The following DYNC2H1 variants were observed in gnomAD, a reference collection of about 807,000 sequenced individuals.
DYNC2H1 encodes the protein dynein cytoplasmic 2 heavy chain 1.
A neutral mutation model predicts 570.0 loss-of-function variants in DYNC2H1; 410 were observed. That is an observed-to-expected ratio of 0.72 (90% CI 0.66 to 0.78). The LOEUF is 0.78. DYNC2H1 is among the 30% of genes least tolerant of loss of function. The pLI is 0.00. For synonymous variants in DYNC2H1, 1,688 were observed against 1,677.6 expected (o/e 1.01, Z -0.15); for missense variants, 4,865 against 5,046.4 (o/e 0.96, Z 1.09).
intron 82 of DYNC2H1, among the ~76,000 whole-genome samples, chr11:103,357,293 G>A (rs1369050573): frequency 6.6e-6 from 1 of 152,034 alleles, no homozygotes; most frequent in Non-Finnish European, 1.5e-5. Flanking sequence ...CTGATAATAA[G>A]GACATTATAG....
chr11:103,121,554 A>G, intron 10 of DYNC2H1, 58 bp downstream of exon 10: 4 of 1,556,158 alleles, frequency 2.6e-6, no homozygotes, highest in East Asian at 2.3e-5. Context: ...AAATTAAGGC[A>G]TGTAGAAGGT....
chr11:103,413,162 T>C (rs1943150408), intron 84 of DYNC2H1, among the ~76,000 whole-genome samples: 2 of 152,232 alleles, frequency 1.3e-5, no homozygotes, highest in Admixed American at 1.3e-4. Flanking sequence ...CCTTTCCATC[T>C]ATCTCCACTA....
At chr11:103,470,339 A>G (rs1945332054) in intron 88 of DYNC2H1, among the ~76,000 whole-genome samples, 1 of 152,248 alleles carries the variant, frequency 6.6e-6, no homozygotes, top group South Asian at 2.1e-4. Context: ...TTTGAAAAAT[A>G]GCTCATATAA....
In DYNC2H1 at chr11:103,307,821, T is replaced by G. The variant is rs1237147992; in HGVS notation, c.11483T>G (p.Ile3828Arg). Residue 3828 changes from isoleucine to arginine, a missense_variant, in exon 78 of 89, where the codon ATA (isoleucine) becomes AGA (arginine). By Grantham distance (97) the Ile-to-Arg change is moderately conservative. Coordinates refer to ENST00000375735, the MANE Select transcript of DYNC2H1 (RefSeq NM_001377.3). The part of the protein sequence containing the change: ...TPILLQSSLK[I>R]TYESPPGLKK... ...ATTTTACTACAGTCAAGTCTGAAGA[T>G]AACATATGAGGTAAGAAGATTTAAA... 3 of 1,585,028 alleles carry G rather than the reference T, an allele frequency of 1.9e-6. No homozygotes were observed. The East Asian group carries it at 6.8e-5, about 36-fold the overall frequency.
At chr11:103,206,977 G>T (rs1862952035) in intron 52 of DYNC2H1, among the ~76,000 whole-genome samples, 1 of 151,906 alleles carries the variant, frequency 6.6e-6, no homozygotes, top group Non-Finnish European at 1.5e-5. Flanking sequence ...GCTGGAGTGT[G>T]GTTGTGCAAT....
In DYNC2H1 at chr11:103,305,927, T is replaced by C. The variant is rs1867263713; in HGVS notation, c.11382+1207T>C. 6.6e-6 allele frequency among the ~76,000 whole-genome samples: 1 copy of C among 152,202 alleles called. No homozygotes were observed. ...CATATATGTTTTGTTTTGGGTTTTT[T>C]TTGAGACAGAATCTTGCTCTGTTAC... On this transcript the variant is annotated intron_variant, in intron 77 of 88. Transcript: ENST00000375735. The surrounding 1 kb of genome is among the most constrained non-coding windows in gnomAD (Gnocchi z 4.3).
intron 83 of DYNC2H1, among the ~76,000 whole-genome samples, chr11:103,377,503 T>C (rs1180290150): frequency 2.6e-5 from 4 of 152,150 alleles, no homozygotes; most frequent in Non-Finnish European, 4.4e-5. Flanking sequence ...ATATTCTTAT[T>C]AAATAAGCAC....
At chr11:103,139,670 GT>G (rs2134806016) in intron 17 of DYNC2H1, among the ~76,000 whole-genome samples, 1 of 151,946 alleles carries the variant, frequency 6.6e-6, no homozygotes, top group South Asian at 2.1e-4. Context: ...GTGGTGTGGT[GT>G]TGAAAAAAAT....
At chr11:103,362,204 T>C (rs543248197) in intron 83 of DYNC2H1, among the ~76,000 whole-genome samples, 1 of 152,144 alleles carries the variant, frequency 6.6e-6, no homozygotes, top group South Asian at 2.1e-4. Context: ...TAGTTGAAGA[T>C]GCTGAAAAAT....
Position 103,446,790 on chromosome 11 carries a change from G to A in DYNC2H1, c.12457-8396G>A, listed in dbSNP as rs1167655429. On this transcript the variant is annotated intron_variant, in intron 85 of 88. Coordinates refer to ENST00000375735, the MANE Select transcript of DYNC2H1 (RefSeq NM_001377.3). The surrounding 1 kb of genome is among the most constrained non-coding windows in gnomAD (Gnocchi z 4.5). Reference sequence around the variant, plus strand: ...GAGTAAAGTTCTTAAAAAGGCAAGAGGAAATAGGGCCCAATGCACATGTGG... The same window carrying A: ...GAGTAAAGTTCTTAAAAAGGCAAGAAGAAATAGGGCCCAATGCACATGTGG... Among the ~76,000 whole-genome samples the A allele has an allele frequency of 1.3e-5, 2 of 152,012 alleles. No homozygotes were observed. Among genetic ancestry groups the A allele is most frequent in the Admixed American group, 1.3e-4 (2 of 15,248 alleles).
chr11:103,273,020 A>G (rs766761878), intron 70 of DYNC2H1, among the ~76,000 whole-genome samples: 4 of 151,996 alleles, frequency 2.6e-5, no homozygotes, highest in Non-Finnish European at 4.4e-5. Context: ...AAAATAGATG[A>G]AGGATTTTAA....
intron 70 of DYNC2H1, among the ~76,000 whole-genome samples, chr11:103,260,244 A>G (rs868009214): frequency 1.5e-4 from 23 of 152,164 alleles, no homozygotes; most frequent in African/African-American, 5.5e-4. Flanking sequence ...GATAATGACA[A>G]TGGATTATGT....
chr11:103,337,426 T>C (rs780507685), intron 82 of DYNC2H1, among the ~76,000 whole-genome samples: 1 of 152,196 alleles, frequency 6.6e-6, no homozygotes, highest in African/African-American at 2.4e-5. Context: ...CTGGACAATA[T>C]AGTATTTCTA....
At chr11:103,345,433 T>C (rs1033537543) in intron 82 of DYNC2H1, among the ~76,000 whole-genome samples, 2 of 152,348 alleles carry the variant, frequency 1.3e-5, no homozygotes, top group Admixed American at 1.3e-4. Context: ...TTCACTATTG[T>C]GCGAACAGTA....
At chr11:103,171,981 C>T (rs1302744747) in intron 34 of DYNC2H1, among the ~76,000 whole-genome samples, 1 of 152,084 alleles carries the variant, frequency 6.6e-6, no homozygotes, top group Non-Finnish European at 1.5e-5. Context: ...TTCGTTTGTA[C>T]AGAAAACGTA....
At chr11:103,367,970 A>G (rs1245990267) in intron 83 of DYNC2H1, among the ~76,000 whole-genome samples, 1 of 152,094 alleles carries the variant, frequency 6.6e-6, no homozygotes, top group African/African-American at 2.4e-5. Context: ...CTATAGCTGA[A>G]CAGTATTCCA....
chr11:103,162,905 A>G (rs1285189172), intron 29 of DYNC2H1, 123 bp from the exon 30 acceptor site: 9 of 779,958 alleles, frequency 1.2e-5, no homozygotes, highest in Non-Finnish European at 1.9e-6. Flanking sequence ...AGGAAAGTAT[A>G]ATACCCCGTC....
chr11:103,169,278 A>T (rs1861469054), intron 32 of DYNC2H1, among the ~76,000 whole-genome samples: 1 of 152,168 alleles, frequency 6.6e-6, no homozygotes, highest in African/African-American at 2.4e-5. Context: ...CCTCAGTCAA[A>T]GCAATTTGGT....
chr11:103,287,520 A>G lies in DYNC2H1; in HGVS notation c.11023-13A>G. On this transcript the variant is annotated splice_polypyrimidine_tract_variant and intron_variant, in intron 74 of 88. Transcript: ENST00000375735. ...ACTTTATTCTTTAAAAATATTCTGC[A>G]TTTTATTTTAAGATTCTTGTAGTAC... 4.4e-6 allele frequency: 7 copies of G among 1,594,876 alleles called. No individual in the cohort carries two copies. The highest frequency in any genetic ancestry group is 6.0e-6 in the Non-Finnish European group (7 of 1,171,614).
Sources: gnomAD v4.1 joint callset for allele counts (sites outside exome capture counted in the v4.1 genomes callset) on GRCh38, gnomAD v4.1.1 for gene constraint, Gnocchi (gnomAD v3.1) non-coding constraint, MANE v1.5 for transcripts, NCBI Gene and HGNC (gene_info 2026-07-23, HGNC 2026-07-21) for gene names.